NTM: variants seen among roughly 807,000 people sequenced by gnomAD.
NTM encodes the protein neurotrimin.
In NTM, 13 loss-of-function variants were observed where a neutral mutation model predicts 42.1. The ratio of observed to expected loss-of-function variants is 0.31; its 90% CI spans 0.20 to 0.49. The LOEUF (loss-of-function observed/expected upper bound fraction) is 0.49, where lower values mean the gene tolerates loss of function less well. Among genes scored for constraint, NTM ranks in the 20% least tolerant of loss-of-function variants. The pLI is 0.99. For synonymous variants in NTM, 187 were observed against 179.2 expected (o/e 1.04, Z -0.35); for missense variants, 373 against 452.8 (o/e 0.82, Z 1.60).
chr11:131,371,097 T>C, intron 1 of NTM: 1 of 985,392 alleles, frequency 1.0e-6, no homozygotes, highest in Non-Finnish European at 1.2e-6. Flanking sequence ...GGGGAATATG[T>C]ATGTGCATAA....
chr11:131,889,267 G>T (rs996358214), intron 1 of NTM, among the ~76,000 whole-genome samples: 1 of 152,182 alleles, frequency 6.6e-6, no homozygotes, highest in African/African-American at 2.4e-5. Context: ...ATAAGATACA[G>T]GCCAGGCAGA....
At chr11:132,109,258 A>G (rs1389662111) in intron 2 of NTM, among the ~76,000 whole-genome samples, 4 of 152,166 alleles carry the variant, frequency 2.6e-5, no homozygotes, top group Non-Finnish European at 4.4e-5. Flanking sequence ...CTAGTTCTAG[A>G]TCCTTGAGGA....
At chr11:131,752,532 T>C (rs1464460018) in intron 1 of NTM, among the ~76,000 whole-genome samples, 1 of 152,214 alleles carries the variant, frequency 6.6e-6, no homozygotes, top group Non-Finnish European at 1.5e-5. Context: ...AGCAATCCCA[T>C]TACTGGGTAT....
chr11:132,275,749 T>TATATAC (rs1491320001), intron 4 of NTM, among the ~76,000 whole-genome samples: 3 of 20,736 alleles, frequency 1.4e-4, no homozygotes, highest in African/African-American at 4.2e-4. Flanking sequence ...TATATATATG[T>TATATAC]GTATATATAT....
intron 4 of NTM, among the ~76,000 whole-genome samples, chr11:132,275,889 G>A (rs1370077064): frequency 6.6e-6 from 1 of 151,324 alleles, no homozygotes; most frequent in Non-Finnish European, 1.5e-5. Context: ...ATATTTTACT[G>A]TTAACCATAG....
At chr11:132,023,349 A>C (rs1271410835) in intron 2 of NTM, among the ~76,000 whole-genome samples, 2 of 152,246 alleles carry the variant, frequency 1.3e-5, no homozygotes. Flanking sequence ...GATGGCAAAC[A>C]AACACAAGTA....
chr11:131,545,893 C>T (rs953572634), intron 1 of NTM, among the ~76,000 whole-genome samples: 23 of 152,112 alleles, frequency 1.5e-4, no homozygotes, highest in African/African-American at 5.6e-4. Context: ...CATTATCTAA[C>T]CTGGCTGGGA....
In NTM at chr11:131,632,972, G is replaced by A. The variant is rs114511945; in HGVS notation, c.82+262084G>A. 2.7e-3 allele frequency among the ~76,000 whole-genome samples: 410 copies of A among 152,054 alleles called. 13 individuals carry two copies. Among genetic ancestry groups the A allele is most frequent in the African/African-American group, 9.6e-3 (398 of 41,474 alleles). On this transcript the variant is annotated intron_variant, in intron 1 of 8. Transcript: ENST00000683400. ...ACAGGCGTGAGCCACCGCGCCACTC[G>A]GGCAGCTTTGTTCAGACCATCTATT...
At chr11:131,914,018 C>T (rs576088788) in intron 2 of NTM, among the ~76,000 whole-genome samples, 119 of 152,306 alleles carry the variant, frequency 7.8e-4, no homozygotes, top group African/African-American at 1.2e-3. Flanking sequence ...GACTCTGATG[C>T]GCTAGAACAA....
intron 1 of NTM, among the ~76,000 whole-genome samples, chr11:131,432,634 A>C (rs539679215): frequency 1.3e-5 from 2 of 152,246 alleles, no homozygotes; most frequent in South Asian, 4.1e-4. Flanking sequence ...AAATAATTAA[A>C]TATCAATAGT....
At chr11:132,087,433 T>C (rs1322276891) in intron 2 of NTM, among the ~76,000 whole-genome samples, 1 of 152,156 alleles carries the variant, frequency 6.6e-6, no homozygotes, top group Non-Finnish European at 1.5e-5. Flanking sequence ...TCCCTCTGGA[T>C]CCCTCATATC....
intron 3 of NTM, among the ~76,000 whole-genome samples, chr11:132,169,861 T>A (rs1471728799): frequency 6.6e-6 from 1 of 152,168 alleles, no homozygotes; most frequent in East Asian, 1.9e-4. Context: ...CATCCCATCT[T>A]TCTATTCAGT....
intron 2 of NTM, among the ~76,000 whole-genome samples, chr11:131,952,083 C>T (rs967477515): frequency 5.3e-5 from 8 of 151,974 alleles, no homozygotes; most frequent in African/African-American, 2.4e-5. Context: ...CTTATAGACT[C>T]CTCCTCCTGA....
At chr11:132,161,076 A>C (rs755651913) in intron 3 of NTM, among the ~76,000 whole-genome samples, 1 of 152,160 alleles carries the variant, frequency 6.6e-6, no homozygotes, top group African/African-American at 2.4e-5. Flanking sequence ...TGCAGAGACC[A>C]AAGGACCTCC....
intron 1 of NTM, among the ~76,000 whole-genome samples, chr11:131,837,407 G>T (rs2043644708): frequency 6.6e-6 from 1 of 152,146 alleles, no homozygotes; most frequent in Non-Finnish European, 1.5e-5. Flanking sequence ...ATAGACTGTG[G>T]CCTGCTGGAG....
intron 2 of NTM, among the ~76,000 whole-genome samples, chr11:131,968,054 C>T (rs2063063458): frequency 6.6e-6 from 1 of 152,122 alleles, no homozygotes; most frequent in Non-Finnish European, 1.5e-5. Context: ...AACCATGTGC[C>T]TACACGTGCT....
At chr11:131,748,567 G>A (rs1484706040) in intron 1 of NTM, among the ~76,000 whole-genome samples, 1 of 152,046 alleles carries the variant, frequency 6.6e-6, no homozygotes, top group Non-Finnish European at 1.5e-5. Flanking sequence ...CCTCCTCCCT[G>A]TGCCCATCCA....
intron 1 of NTM, among the ~76,000 whole-genome samples, chr11:131,376,940 A>T (rs544914230): frequency 6.6e-6 from 1 of 152,302 alleles, no homozygotes; most frequent in East Asian, 1.9e-4. Context: ...TAAAACAGCG[A>T]TGAAAAAGCA....
At chr11:132,038,100 T>C (rs1047891575) in intron 2 of NTM, among the ~76,000 whole-genome samples, 1 of 152,264 alleles carries the variant, frequency 6.6e-6, no homozygotes, top group African/African-American at 2.4e-5. Context: ...GACTGGGGCT[T>C]GCCTGTGGCA....
Sources: allele counts gnomAD v4.1 joint callset (sites outside exome capture counted in the v4.1 genomes callset), GRCh38; gene constraint gnomAD v4.1.1; transcripts MANE v1.5; gene names NCBI Gene and HGNC (gene_info 2026-07-23, HGNC 2026-07-21).